RIC1: variants seen among roughly 807,000 people sequenced by gnomAD.
RIC1 encodes RIC1 partner of RAB6A GEF complex.
RIC1 carries 88 observed loss-of-function variants against 169.0 expected under a neutral mutation model. The ratio of observed to expected loss-of-function variants is 0.52; its 90% confidence interval spans 0.44 to 0.62. The LOEUF is 0.62. RIC1 is among the 20% of genes least tolerant of loss of function. The pLI is 0.00. For missense variants in RIC1, 1,877 were observed against 1,725.5 expected (o/e 1.09, Z -1.56); for synonymous variants, 790 against 601.5 (o/e 1.31, Z -4.59).
Position 5,747,301 on chromosome 9 carries a change from G to A in RIC1, c.1249-1G>A. 6.2e-7 allele frequency: 1 copy of A among 1,613,046 alleles called. No homozygotes were observed. The highest frequency in any genetic ancestry group is 1.1e-5 in the South Asian group (1 of 91,018). ...CTTTTGTTCCTCTTTCCCTCATTTAGAGTAACCAAGAGCAGGTGTTGCTTC... is the reference window on the plus strand; with the variant it reads ...CTTTTGTTCCTCTTTCCCTCATTTAAAGTAACCAAGAGCAGGTGTTGCTTC... On this transcript the variant is annotated splice_acceptor_variant, in intron 11 of 25. Transcript: ENST00000414202. LOFTEE classifies it high-confidence loss of function.
In RIC1 at chr9:5,746,059, T is replaced by C. The variant is rs889711125; in HGVS notation, c.1224T>C (p.Ser408=). The C allele has an allele frequency of 4.3e-6, 7 of 1,613,426 alleles. No individual in the cohort carries two copies. Among genetic ancestry groups the C allele is most frequent in the Non-Finnish European group, 5.9e-6 (7 of 1,179,484 alleles). The change falls in exon 11 of 26, where the codon AGT becomes AGC. Residue 408 remains serine, a synonymous_variant. Transcript: ENST00000414202. The stretch of plus-strand genomic sequence containing the variant: ...TCCTGTTATTTCAGTTTATTAAGAG[T>C]GTACTCACTGTAAACCCTTGTATGG... ...PSILLFQFIK[S]VLTVNPCMSN... is the part of the protein sequence containing the mutation.
chr9:5,770,375 G>A, intron 23 of RIC1, 97 bp downstream of exon 23: 1 of 1,094,202 alleles, frequency 9.1e-7, no homozygotes, highest in Non-Finnish European at 1.3e-6. Context: ...TTTCTATCGT[G>A]ATGGAGGATT....
intron 4 of RIC1, among the ~76,000 whole-genome samples, chr9:5,714,720 T>A (rs1006419622): frequency 1.3e-5 from 2 of 152,200 alleles, no homozygotes; most frequent in Non-Finnish European, 2.9e-5. Flanking sequence ...TGTTTGTTTT[T>A]AAAAGGGAGA....
chr9:5,683,923 T>C (rs1194146902), intron 2 of RIC1, among the ~76,000 whole-genome samples: 2 of 152,290 alleles, frequency 1.3e-5, no homozygotes, highest in East Asian at 3.9e-4. Flanking sequence ...CGAGGCTCCG[T>C]GGGCATAGGA....
intron 17 of RIC1, among the ~76,000 whole-genome samples, chr9:5,761,658 C>CT (rs1441970782): frequency 6.6e-6 from 1 of 152,172 alleles, no homozygotes; most frequent in East Asian, 1.9e-4. Context: ...TGGTTCATCT[C>CT]TTTTTCTACC....
chr9:5,756,431 GTAGTTTTTGT>G, intron 16 of RIC1, 59 bp downstream of exon 16: 1 of 1,169,694 alleles, frequency 8.5e-7, no homozygotes, highest in Non-Finnish European at 1.1e-6. Context: ...TTTCTCTTTT[GTAGTTTTTGT>G]TTTCTCAAAA....
chr9:5,629,623 T>C (rs1188297568), intron 1 of RIC1, among the ~76,000 whole-genome samples, 170 bp downstream of exon 1: 2 of 152,124 alleles, frequency 1.3e-5, no homozygotes, highest in Non-Finnish European at 2.9e-5. Flanking sequence ...ACCCGCCGGC[T>C]GCAGGCACGT....
intron 1 of RIC1, among the ~76,000 whole-genome samples, chr9:5,653,755 G>A (rs35966912): frequency 7.3e-5 from 11 of 151,714 alleles, no homozygotes; most frequent in Middle Eastern, 3.4e-3. Flanking sequence ...ACACCACTAC[G>A]CCCGGCTAAT....
chr9:5,688,995 CGCAGATGTATGTCATGAT>C (rs928941506), intron 2 of RIC1, among the ~76,000 whole-genome samples: 1 of 150,766 alleles, frequency 6.6e-6, no homozygotes, highest in Non-Finnish European at 1.5e-5. Flanking sequence ...TATGTCATGA[CGCAGATGTATGTCATGAT>C]CATGTAATAG....
intron 7 of RIC1, among the ~76,000 whole-genome samples, chr9:5,733,364 C>T (rs1409170118): frequency 2.0e-5 from 3 of 151,066 alleles, no homozygotes; most frequent in Admixed American, 1.3e-4. Flanking sequence ...CCTGGGTTCA[C>T]GCCATTCTCC....
At chr9:5,679,314 G>A (rs1017527316) in intron 2 of RIC1, among the ~76,000 whole-genome samples, 52 of 152,272 alleles carry the variant, frequency 3.4e-4, no homozygotes, top group Non-Finnish European at 5.7e-4. Context: ...GATTGTCTTG[G>A]CAATGCAGGC....
intron 21 of RIC1, 51 bp downstream of exon 21, chr9:5,765,849 C>T: frequency 6.3e-7 from 1 of 1,583,870 alleles, no homozygotes; most frequent in South Asian, 1.1e-5. Flanking sequence ...TGACACATTG[C>T]ATTTCAAGAC....
At chr9:5,719,071 C>G (rs1297905923) in intron 4 of RIC1, 1 of 152,004 alleles carries the variant, frequency 6.6e-6, no homozygotes, top group Non-Finnish European at 1.5e-5. Context: ...ATAATATACA[C>G]ATAACATTTT....
In RIC1 at chr9:5,770,076, C is replaced by A; in HGVS notation, c.3425-11C>A. Reference sequence around the variant, plus strand: ...CTTCCTCCATTTTTTGTTTTCGGACCCACTCTGCAGTGGGAGAGCAGCTGT... The same window carrying A: ...CTTCCTCCATTTTTTGTTTTCGGACACACTCTGCAGTGGGAGAGCAGCTGT... On this transcript the variant is annotated splice_polypyrimidine_tract_variant and intron_variant, in intron 22 of 25. Coordinates refer to ENST00000414202, the MANE Select transcript of RIC1 (RefSeq NM_020829.4). 1.9e-6 allele frequency: 3 copies of A among 1,590,956 alleles called. No homozygotes were observed. The highest frequency in any genetic ancestry group is 2.6e-6 in the Non-Finnish European group (3 of 1,169,084).
intron 12 of RIC1, among the ~76,000 whole-genome samples, chr9:5,748,128 T>G (rs191391631): frequency 9.8e-5 from 15 of 152,340 alleles, no homozygotes; most frequent in Admixed American, 8.5e-4. Context: ...TAAAATTATT[T>G]TGGGGAAACC....
At chr9:5,688,786 G>C (rs1447217751) in intron 2 of RIC1, among the ~76,000 whole-genome samples, 1 of 152,074 alleles carries the variant, frequency 6.6e-6, no homozygotes, top group Non-Finnish European at 1.5e-5. Flanking sequence ...ATAATTTCTT[G>C]GTTTTCTTTG....
At chr9:5,719,194 T>A (rs886268445) in intron 4 of RIC1, 2 of 152,236 alleles carry the variant, frequency 1.3e-5, no homozygotes, top group Admixed American at 6.5e-5. Context: ...GTCTTTTTCT[T>A]TGTGCCAGTA....
intron 3 of RIC1, among the ~76,000 whole-genome samples, chr9:5,697,969 A>G (rs1447939242): frequency 2.0e-5 from 3 of 152,224 alleles, no homozygotes; most frequent in African/African-American, 7.2e-5. Flanking sequence ...TTTTGTAGAT[A>G]AGGAGACTTG....
At chr9:5,670,523 A>G (rs1820025733) in intron 2 of RIC1, among the ~76,000 whole-genome samples, 1 of 152,170 alleles carries the variant, frequency 6.6e-6, no homozygotes. Context: ...TACTTATTGT[A>G]TATTACTGTG....
Sources: allele counts gnomAD v4.1 joint callset (sites outside exome capture counted in the v4.1 genomes callset), GRCh38; gene constraint gnomAD v4.1.1; transcripts MANE v1.5; gene names NCBI Gene and HGNC (gene_info 2026-07-23, HGNC 2026-07-21).